The following ECHDC2 variants were observed in gnomAD, a reference collection of about 807,000 sequenced individuals.
The protein encoded by ECHDC2 is enoyl-CoA hydratase domain-containing protein 2, mitochondrial.
A neutral mutation model predicts 40.6 loss-of-function variants in ECHDC2; 34 were observed. The ratio of observed to expected loss-of-function variants is 0.84; its 90% confidence interval spans 0.64 to 1.11. The LOEUF (loss-of-function observed/expected upper bound fraction) is 1.11. ECHDC2 is among the 50% of genes most tolerant of loss of function. The probability of loss-of-function intolerance (pLI) is 0.00; values close to 1 mark genes in which losing one functional copy is unlikely to be tolerated. For synonymous variants in ECHDC2, 162 were observed against 166.6 expected, an observed-to-expected ratio of 0.97 and a Z score of 0.21; for missense variants, 392 against 400.7, an observed-to-expected ratio of 0.98 and a Z score of 0.19.
chr1:52,902,517 T>C (rs1397590126), intron 7 of ECHDC2, among the ~76,000 whole-genome samples: 1 of 152,204 alleles, frequency 6.6e-6, no homozygotes, highest in Non-Finnish European at 1.5e-5. Context: ...CTAGAACCCC[T>C]GGTCTCAAGC....
At chr1:52,920,745 A>T (rs1316395819) in intron 1 of ECHDC2, 6 of 159,752 alleles carry the variant, frequency 3.8e-5, no homozygotes, top group East Asian at 1.4e-4. Flanking sequence ...AACTTTTGTT[A>T]AAAAAAAAAA....
At chr1:52,913,362 A>C (rs1404039557) in intron 1 of ECHDC2, 1 of 152,198 alleles carries the variant, frequency 6.6e-6, no homozygotes, top group Non-Finnish European at 1.5e-5. Flanking sequence ...ATACTCATTT[A>C]GTCACTTTCT....
chr1:52,903,215 A>G (rs1449046845), intron 7 of ECHDC2, among the ~76,000 whole-genome samples: 1 of 151,960 alleles, frequency 6.6e-6, no homozygotes. Context: ...TGAGCATGGT[A>G]CCCTTTGGGG....
chr1:52,919,916 C>T (rs1006083386), intron 1 of ECHDC2, among the ~76,000 whole-genome samples: 1 of 152,124 alleles, frequency 6.6e-6, no homozygotes, highest in African/African-American at 2.4e-5. Context: ...AAATGATTCC[C>T]GATATTTGCA....
chr1:52,921,727 C>T lies in ECHDC2; in HGVS notation c.-54G>A. 1 of 1,427,084 alleles carries T rather than the reference C, an allele frequency of 7.0e-7. No individual in the cohort carries two copies. The highest frequency in any genetic ancestry group is 9.1e-7 in the Non-Finnish European group (1 of 1,093,322). The allele number at this position is 1,427,084 out of a possible 1,614,324, so 88.4% of individuals were successfully genotyped here. On this transcript the variant is annotated 5_prime_UTR_variant, in exon 1 of 10. Transcript: ENST00000371522. ...TCTCCGGCCCTGCACCGTCTCGGCT[C>T]CCGCTGAGAGCTCGCAGTTCCGGCG...
At position 52,896,304 on chromosome 1, in the gene ECHDC2, T is replaced by A; in HGVS notation, c.*216A>T. 1.8e-6 allele frequency: 1 copy of A among 562,042 alleles called. No individual in the cohort carries two copies. Among genetic ancestry groups the A allele is most frequent in the Non-Finnish European group, 3.2e-6 (1 of 312,378 alleles). 34.8% of individuals were successfully genotyped at this position (562,042 alleles called of 1,614,324 possible). A position where few individuals can be genotyped will look rare whatever the true frequency, so the allele number is the denominator to read the frequency against. On this transcript the variant is annotated 3_prime_UTR_variant, in exon 10 of 10. Transcript: ENST00000371522. The stretch of plus-strand genomic sequence containing the variant: ...AAGCAAACCCAACCCTCGTGATTAT[T>A]TCTAGCCAGGGTGAAGCTAAGGAAG...
intron 1 of ECHDC2, chr1:52,915,101 G>A (rs950478916): frequency 1.2e-5 from 5 of 404,558 alleles, no homozygotes; most frequent in African/African-American, 2.0e-5. Context: ...GTGTGGGGAA[G>A]AGAGATGGGC....
chr1:52,918,100 G>T (rs1434288115), intron 1 of ECHDC2, among the ~76,000 whole-genome samples: 1 of 152,104 alleles, frequency 6.6e-6, no homozygotes, highest in Non-Finnish European at 1.5e-5. Flanking sequence ...CTTGATATTG[G>T]ACAGCCTTGA....
chr1:52,896,510 A>T lies in ECHDC2; in HGVS notation c.*10T>A, dbSNP rs1384167196. The T allele has an allele frequency of 6.2e-7, 1 of 1,611,540 alleles. No individual in the cohort carries two copies. Among genetic ancestry groups the T allele is most frequent in the Non-Finnish European group, 8.5e-7 (1 of 1,177,694 alleles). On this transcript the variant is annotated 3_prime_UTR_variant, in exon 10 of 10. Transcript: ENST00000371522. ...GCATGCATCTCCCATGCTGAAGGTT[A>T]AAATGGGGGTCATTTGCCAACAAAT...
chr1:52,899,284 G>T lies in ECHDC2; in HGVS notation c.703-60C>A, dbSNP rs1646836418. The T allele has an allele frequency of 6.6e-6, 10 of 1,526,288 alleles. No individual in the cohort carries two copies. The South Asian group carries it at 8.1e-5, about 12-fold the overall frequency. The allele number at this position is 1,526,288 out of a possible 1,614,324, so 94.5% of individuals were successfully genotyped here. On this transcript the variant is annotated intron_variant, in intron 7 of 9. Transcript: ENST00000371522. ...CATCAAGGCTGATAGTTGCAGGTCT[G>T]AGGTGCACAGCTTTGTTTTAAAGGA...
chr1:52,899,440 G>C (rs1646849759), intron 7 of ECHDC2: 3 of 584,112 alleles, frequency 5.1e-6, no homozygotes, highest in Non-Finnish European at 6.1e-6. Flanking sequence ...GAACACCTGG[G>C]TTTCTTGTTA....
chr1:52,919,732 A>G (rs1340182919), intron 1 of ECHDC2, among the ~76,000 whole-genome samples: 1 of 152,190 alleles, frequency 6.6e-6, no homozygotes, highest in Admixed American at 6.5e-5. Context: ...TGAACATCAA[A>G]TGACCCCAAC....
intron 7 of ECHDC2, among the ~76,000 whole-genome samples, chr1:52,902,309 A>T (rs1042838595): frequency 2.0e-5 from 3 of 152,214 alleles, no homozygotes; most frequent in Non-Finnish European, 4.4e-5. Context: ...GGCATGAGCC[A>T]CCATGCCCAG....
At chr1:52,913,306 G>T (rs1006744715) in intron 1 of ECHDC2, 1 of 152,190 alleles carries the variant, frequency 6.6e-6, no homozygotes, top group Non-Finnish European at 1.5e-5. Context: ...CCCTACTTGT[G>T]TAATATTCTT....
At chr1:52,917,051 C>T (rs866047787) in intron 1 of ECHDC2, among the ~76,000 whole-genome samples, 5 of 151,656 alleles carry the variant, frequency 3.3e-5, no homozygotes, top group South Asian at 2.1e-4. Flanking sequence ...GGTGAAACCC[C>T]GTCTTTACTA....
At chr1:52,902,103 G>C (rs1268851890) in intron 7 of ECHDC2, 1 of 151,898 alleles carries the variant, frequency 6.6e-6, no homozygotes, top group East Asian at 1.9e-4. Flanking sequence ...GTTTTAAGAA[G>C]TATTAGGATT....
intron 4 of ECHDC2, 145 bp from the exon 5 acceptor site, chr1:52,906,756 TC>T (rs2150050636): frequency 1.8e-6 from 1 of 555,436 alleles, no homozygotes; most frequent in East Asian, 3.1e-5. Context: ...AGCCAGGTTA[TC>T]TTAATTCTTT....
In ECHDC2 at chr1:52,904,641, C is replaced by T; in HGVS notation, c.702+5G>A. On this transcript the variant is annotated splice_donor_5th_base_variant and intron_variant, in intron 7 of 9. Coordinates refer to ENST00000371522, the MANE Select transcript of ECHDC2 (RefSeq NM_001198961.2). ...CCTCCTTCTGGTGCCGAGCTGTCACCACACCTGGGGCAGGATCTCCTGGGC... is the reference window on the plus strand; with the variant it reads ...CCTCCTTCTGGTGCCGAGCTGTCACTACACCTGGGGCAGGATCTCCTGGGC... 1 of 1,577,908 alleles carries T rather than the reference C, an allele frequency of 6.3e-7. No homozygotes were observed. Among genetic ancestry groups the T allele is most frequent in the East Asian group, 2.3e-5 (1 of 44,380 alleles).
intron 4 of ECHDC2, among the ~76,000 whole-genome samples, 153 bp from the exon 5 acceptor site, chr1:52,906,764 CTTT>C (rs1224675333): frequency 7.6e-5 from 10 of 131,138 alleles, no homozygotes; most frequent in Admixed American, 2.3e-4. Flanking sequence ...TATCTTAATT[CTTT>C]TTTTTTTTTT....
Sources: allele counts gnomAD v4.1 joint callset (sites outside exome capture counted in the v4.1 genomes callset), GRCh38; gene constraint gnomAD v4.1.1; transcripts MANE v1.5; gene names NCBI Gene and HGNC (gene_info 2026-07-23, HGNC 2026-07-21).